SACS: variants seen among roughly 807,000 people sequenced by gnomAD.
SACS encodes sacsin.
In SACS, 197 loss-of-function variants were observed where a neutral mutation model predicts 348.0. The ratio of observed to expected loss-of-function variants is 0.57; its 90% confidence interval spans 0.50 to 0.64. The LOEUF (loss-of-function observed/expected upper bound fraction) is 0.64. Ranked by LOEUF, SACS falls within the 30% of genes least tolerant of loss-of-function variation. The pLI is 0.00. For missense variants in SACS, 4,999 were observed against 5,360.8 expected, an observed-to-expected ratio of 0.93 and a Z score of 2.11; for synonymous variants, 1,985 against 1,910.6, an observed-to-expected ratio of 1.04 and a Z score of -1.02.
rs201724656 is a variant in SACS at position 23,338,654 on chromosome 13, G to A, written c.5222C>T (p.Thr1741Ile). 215 of 1,614,142 alleles carry A rather than the reference G, an allele frequency of 1.3e-4. 3 individuals carry two copies. The South Asian group carries it at 2.1e-3, about 16-fold the overall frequency. ...AAGCTTTTTATTACTGCTGCTGCAA[G>A]TCTTCATGAGCTTAGCAGCCTCTTT... ...VLKEAAKLMK[T>I]CSSSNKKLPS... The change falls in exon 10 of 10, where the codon ACT (threonine) becomes ATT (isoleucine). Residue 1741 changes from threonine (T) to isoleucine (I), a missense_variant. This residue lies in a region of SACS where 3,156 missense variants were observed against 3,380.1 expected (regional missense o/e 0.93). Coordinates refer to ENST00000382292, the MANE Select transcript of SACS (RefSeq NM_014363.6).
chr13:23,384,242 G>A (rs183110714), intron 2 of SACS, among the ~76,000 whole-genome samples: 4 of 152,220 alleles, frequency 2.6e-5, no homozygotes, highest in Admixed American at 1.3e-4. Context: ...TTCCGCCTTC[G>A]TAGACATCTT....
intron 2 of SACS, among the ~76,000 whole-genome samples, chr13:23,376,657 C>T (rs1042875339): frequency 1.3e-5 from 2 of 152,160 alleles, no homozygotes; most frequent in Admixed American, 6.5e-5. Flanking sequence ...GTCATGCATG[C>T]CTCTTCCTAC....
chr13:23,385,289 G>A (rs1300020453), intron 2 of SACS, among the ~76,000 whole-genome samples: 1 of 151,678 alleles, frequency 6.6e-6, no homozygotes, highest in East Asian at 1.9e-4. Context: ...ATCCACAAGG[G>A]TTGGAATCAA....
rs150561537 is a variant in SACS, at chr13:23,411,298, G to T, written c.-59C>A. ...CCATGAAAGTACGCTTCTTTCTTCTGTTTAAGTCTTCCCTCTGTGCTTCCT... is the reference window on the plus strand; with the variant it reads ...CCATGAAAGTACGCTTCTTTCTTCTTTTTAAGTCTTCCCTCTGTGCTTCCT... On this transcript the variant is annotated 5_prime_UTR_variant, in exon 2 of 10. Transcript: ENST00000382292. The T allele has an allele frequency of 4.3e-4, 641 of 1,498,060 alleles. 2 individuals are homozygous for T. In the African/African-American group the frequency reaches 7.9e-3, roughly 18 times the overall value. 92.8% of individuals were successfully genotyped at this position (1,498,060 alleles called of 1,614,324 possible). A position where few individuals can be genotyped will look rare whatever the true frequency, so the allele number is the denominator to read the frequency against.
intron 1 of SACS, among the ~76,000 whole-genome samples, chr13:23,418,389 TG>T (rs1873772034): frequency 6.6e-6 from 1 of 152,238 alleles, no homozygotes; most frequent in Non-Finnish European, 1.5e-5. Flanking sequence ...AAGTGCTTTT[TG>T]TTCCTTAATA....
intron 2 of SACS, among the ~76,000 whole-genome samples, chr13:23,387,328 G>A (rs769840739): frequency 6.6e-6 from 1 of 152,066 alleles, no homozygotes; most frequent in Non-Finnish European, 1.5e-5. Flanking sequence ...CGGGCATGGC[G>A]GCGGGCAACT....
chr13:23,371,540 C>A (rs1871391751), intron 3 of SACS, among the ~76,000 whole-genome samples: 1 of 151,646 alleles, frequency 6.6e-6, no homozygotes, highest in South Asian at 2.1e-4. Context: ...TATTAGAGGA[C>A]CAAAAAAAAT....
chr13:23,337,702 A>G lies in SACS; in HGVS notation c.6174T>C (p.Ser2058=). The change falls in exon 10 of 10, where the codon TCT becomes TCC. Residue 2058 remains serine (S), a synonymous_variant. Coordinates refer to ENST00000382292, the MANE Select transcript of SACS (RefSeq NM_014363.6). ...ENTFSEKQFF[S]EVFFPNIQEI... is the part of the protein sequence containing the mutation. ...CTTGAATATTTGGAAAAAACACTTC[A>G]GAAAAAAACTGTTTCTCTGAAAATG... The G allele has an allele frequency of 6.2e-7, 1 of 1,612,976 alleles. No homozygotes were observed. Among genetic ancestry groups the G allele is most frequent in the Non-Finnish European group, 8.5e-7 (1 of 1,179,728 alleles).
rs993894390 is a variant in SACS, at chr13:23,340,097, T to C, written c.3779A>G (p.His1260Arg). ...ATCTTTCCCTTCATTTAGATGATCATGCATGAATCCGTAAATCTCAAGCAA... is the reference window on the plus strand; with the variant it reads ...ATCTTTCCCTTCATTTAGATGATCACGCATGAATCCGTAAATCTCAAGCAA... ...HILLEIYGFM[H>R]DHLNEGKDSF... Residue 1260 changes from histidine (H) to arginine (R), a missense_variant, in exon 10 of 10, where the codon CAT (histidine) becomes CGT (arginine). Physicochemically the swap from His to Arg is conservative, Grantham distance 29 (BLOSUM62 0). Around this residue, in one of 6 missense-constraint regions of SACS, gnomAD observed 3,156 missense variants for 3,380.1 expected, o/e 0.93. Transcript: ENST00000382292. 1.9e-6 allele frequency: 3 copies of C among 1,613,968 alleles called. No individual in the cohort carries two copies. Among genetic ancestry groups the C allele is most frequent in the Admixed American group, 3.3e-5 (2 of 59,996 alleles).
intron 1 of SACS, among the ~76,000 whole-genome samples, chr13:23,416,681 C>G (rs1056846748): frequency 6.6e-6 from 1 of 151,206 alleles, no homozygotes; most frequent in South Asian, 2.1e-4. Context: ...TGCTTGAGCC[C>G]GGGAGGCAGA....
At chr13:23,354,171 T>C (rs1160087710) in intron 8 of SACS, among the ~76,000 whole-genome samples, 1 of 152,232 alleles carries the variant, frequency 6.6e-6, no homozygotes, top group Admixed American at 6.5e-5. Context: ...AATTACTTAA[T>C]ATACTATTTT....
chr13:23,331,468 A>C lies in SACS; in HGVS notation c.12408T>G (p.Leu4136=). ...AGTCATATTTCACTCCTAAACTGTC[A>C]AGTTTCTCACCAATCCTGTAAATAT... ...CNDIYRIGEK[L]DSLGVKYDSS... is the part of the protein sequence containing the mutation. Residue 4136 remains leucine (L), a synonymous_variant, in exon 10 of 10, where the codon CTT becomes CTG. Transcript: ENST00000382292. 6.2e-7 allele frequency: 1 copy of C among 1,614,058 alleles called. No homozygotes were observed. The highest frequency in any genetic ancestry group is 1.1e-5 in the South Asian group (1 of 91,076).
intron 1 of SACS, among the ~76,000 whole-genome samples, chr13:23,419,472 G>A (rs894884127): frequency 2.6e-5 from 4 of 152,170 alleles, no homozygotes; most frequent in Non-Finnish European, 5.9e-5. Context: ...AGGGCTTGAT[G>A]GGGCCTGCCA....
intron 1 of SACS, among the ~76,000 whole-genome samples, chr13:23,432,982 G>C (rs1250785817): frequency 6.6e-6 from 1 of 152,206 alleles, no homozygotes; most frequent in African/African-American, 2.4e-5. Context: ...TGTTGCTAAA[G>C]CTGGAATACT....
intron 2 of SACS, among the ~76,000 whole-genome samples, chr13:23,380,987 T>C (rs1455700097): frequency 6.6e-6 from 1 of 152,186 alleles, no homozygotes; most frequent in Non-Finnish European, 1.5e-5. Context: ...TATCACCAAA[T>C]AGGTGTAGAA....
chr13:23,382,545 G>T (rs1593165488), intron 2 of SACS, among the ~76,000 whole-genome samples: 2 of 152,144 alleles, frequency 1.3e-5, no homozygotes, highest in African/African-American at 2.4e-5. Context: ...TTATAAAAAT[G>T]GATGTTTCTG....
At chr13:23,376,706 A>G (rs1871821460) in intron 2 of SACS, among the ~76,000 whole-genome samples, 2 of 152,162 alleles carry the variant, frequency 1.3e-5, no homozygotes, top group African/African-American at 4.8e-5. Context: ...CAATTGGAGG[A>G]GAATATGGTG....
At chr13:23,343,001 A>T (rs17078613) in intron 9 of SACS, among the ~76,000 whole-genome samples, 1 of 152,136 alleles carries the variant, frequency 6.6e-6, no homozygotes, top group Non-Finnish European at 1.5e-5. Flanking sequence ...CTAGCTACTT[A>T]TTATTAAAGT....
intron 3 of SACS, 21 bp downstream of exon 3, chr13:23,375,098 G>T: frequency 1.3e-6 from 2 of 1,485,440 alleles, no homozygotes; most frequent in Non-Finnish European, 1.8e-6. Context: ...GCCCAGCCCA[G>T]CGCCCCCGGC....
Sources: gnomAD v4.1 joint callset for allele counts (sites outside exome capture counted in the v4.1 genomes callset) on GRCh38, gnomAD v4.1.1 for gene constraint, gnomAD v4.1.1 regional missense constraint, MANE v1.5 for transcripts, NCBI Gene and HGNC (gene_info 2026-07-23, HGNC 2026-07-21) for gene names.